LAMC2: variants seen among roughly 807,000 people sequenced by gnomAD.
LAMC2 encodes laminin subunit gamma 2.
In LAMC2, 97 loss-of-function variants were observed where a neutral mutation model predicts 140.2. The ratio of observed to expected loss-of-function variants is 0.69; its 90% CI spans 0.59 to 0.82. The LOEUF is 0.82. LAMC2 is among the 40% of genes least tolerant of loss of function. The pLI, the probability that LAMC2 is intolerant of heterozygous loss-of-function variation, is 0.00. For missense variants in LAMC2, 1,402 were observed against 1,476.1 expected (o/e 0.95, Z 0.82); for synonymous variants, 513 against 540.2 (o/e 0.95, Z 0.70).
Position 183,222,164 on chromosome 1 carries a change from T to A in LAMC2, c.716T>A (p.Val239Glu). 8.1e-6 allele frequency: 13 copies of A among 1,614,150 alleles called. No individual in the cohort carries two copies. Among genetic ancestry groups the A allele is most frequent in the Non-Finnish European group, 1.1e-5 (13 of 1,179,986 alleles). ...KLQWSQRHQD[V>E]FSSAQRLDPV... ...CAATGGTCACAGCGCCATCAAGATG[T>A]GTTTAGCTCAGCCCAACGACTAGAC... is the stretch of plus-strand genomic sequence containing the variant. Residue 239 changes from valine (V) to glutamate (E), a missense_variant, in exon 6 of 23, where the codon GTG (valine) becomes GAG (glutamate). Physicochemically the swap from Val to Glu is moderately radical, Grantham distance 121. Around this residue, in one of 3 missense-constraint regions of LAMC2, gnomAD observed 723 missense variants for 783.3 expected, o/e 0.92. Transcript: ENST00000264144.
At chr1:183,234,324 AGCCTTAACCGATTC>A (rs538213684) in intron 14 of LAMC2, 29 bp from the exon 15 acceptor site, 27 of 1,509,180 alleles carry the variant, frequency 1.8e-5, no homozygotes, top group African/African-American at 2.7e-5. Context: ...CCAAGTGCAA[AGCCTTAACCGATTC>A]GCCTTAACCG....
the LAMC2 span, among the ~76,000 whole-genome samples, chr1:183,257,173 T>C: frequency 3.9e-5 from 6 of 152,056 alleles, no homozygotes; most frequent in Non-Finnish European, 7.4e-5. Flanking sequence ...CCAGGCGTAG[T>C]GGTTCATGCC....
At chr1:183,198,771 C>G (rs909771384) in intron 1 of LAMC2, among the ~76,000 whole-genome samples, 1 of 152,164 alleles carries the variant, frequency 6.6e-6, no homozygotes. Flanking sequence ...GCTCGCTGCC[C>G]GTTGAGGTGG....
chr1:183,207,801 T>C (rs1019287914), intron 1 of LAMC2, 80 bp from the exon 2 acceptor site: 139 of 1,192,344 alleles, frequency 1.2e-4, no homozygotes, highest in Non-Finnish European at 8.0e-5. Context: ...CTATCAATAA[T>C]AACATAAACA....
At chr1:183,235,790 G>A in intron 16 of LAMC2, 60 bp downstream of exon 16, 1 of 1,577,906 alleles carries the variant, frequency 6.3e-7, no homozygotes, top group Admixed American at 1.7e-5. Context: ...AGGGCAAAAT[G>A]CTAACCGTAC....
At chr1:183,204,455 GAAAAAA>G (rs79056040) in intron 1 of LAMC2, among the ~76,000 whole-genome samples, 1 of 129,540 alleles carries the variant, frequency 7.7e-6, no homozygotes, top group South Asian at 2.6e-4. Flanking sequence ...CAAACAAACA[GAAAAAA>G]AAAAAAAAAC....
the LAMC2 span, among the ~76,000 whole-genome samples, chr1:183,256,623 C>T: frequency 6.6e-6 from 1 of 152,154 alleles, no homozygotes; most frequent in Non-Finnish European, 1.5e-5. Context: ...TATGTTAAAC[C>T]AGCCTTGTGT....
chr1:183,208,027 A>G lies in LAMC2; in HGVS notation c.226A>G (p.Arg76Gly), dbSNP rs1350038237. The change falls in exon 2 of 23, where the codon AGA (arginine) becomes GGA (glycine). Residue 76 changes from arginine to glycine, a missense_variant. Coordinates refer to ENST00000264144, the MANE Select transcript of LAMC2 (RefSeq NM_005562.3). ...GTGCAAGAATGGCTTTTACCGGCAC[A>G]GAGAAAGGGACCGCTGTTTGCCCTG... ...EKCKNGFYRH[R>G]ERDRCLPCNC... is the part of the protein sequence containing the mutation. The G allele has an allele frequency of 2.5e-6, 4 of 1,614,200 alleles. No individual in the cohort carries two copies. The South Asian group carries it at 3.3e-5, about 13-fold the overall frequency.
chr1:183,232,137 T>G, intron 12 of LAMC2, 50 bp from the exon 13 acceptor site: 1 of 1,607,676 alleles, frequency 6.2e-7, no homozygotes, highest in South Asian at 1.1e-5. Flanking sequence ...GGATGATCCC[T>G]TGGGTACATG....
chr1:183,229,822 G>C (rs1659748598), intron 11 of LAMC2, among the ~76,000 whole-genome samples: 1 of 151,992 alleles, frequency 6.6e-6, no homozygotes. Flanking sequence ...AATCCCTTCA[G>C]GAATTCTAGG....
Position 183,228,388 on chromosome 1 carries a change from C to G in LAMC2, c.1483C>G (p.Leu495Val). 1.2e-6 allele frequency: 2 copies of G among 1,614,134 alleles called. No individual in the cohort carries two copies. The highest frequency in any genetic ancestry group is 1.7e-6 in the Non-Finnish European group (2 of 1,180,038). Residue 495 changes from leucine (L) to valine (V), a missense_variant, in exon 11 of 23, where the codon CTC (leucine) becomes GTC (valine). Coordinates refer to ENST00000264144, the MANE Select transcript of LAMC2 (RefSeq NM_005562.3). The surrounding 1 kb of genome is among the most constrained non-coding windows in gnomAD (Gnocchi z 4.3). Reference protein sequence around the residue: ...PPGVTGARCELCADGYFGDPF... With the variant: ...PPGVTGARCEVCADGYFGDPF... ...TTCCTTCCCAGGTGCCCGCTGTGAG[C>G]TCTGTGCTGATGGCTACTTTGGGGA...
the LAMC2 span, among the ~76,000 whole-genome samples, chr1:183,255,068 T>C: frequency 6.6e-6 from 1 of 152,216 alleles, no homozygotes; most frequent in Non-Finnish European, 1.5e-5. Flanking sequence ...CTTAGGTTCT[T>C]TATCCATTTT....
intron 1 of LAMC2, among the ~76,000 whole-genome samples, chr1:183,202,272 T>C (rs1398827131): frequency 1.3e-5 from 2 of 151,090 alleles, no homozygotes; most frequent in African/African-American, 2.4e-5. Flanking sequence ...ATTAGCAAAC[T>C]CCTTCTTTGA....
chr1:183,189,670 C>A (rs548854507), intron 1 of LAMC2, among the ~76,000 whole-genome samples: 1 of 151,938 alleles, frequency 6.6e-6, no homozygotes, highest in Admixed American at 6.6e-5. Context: ...GATAGAGGAA[C>A]GATGGAGCAG....
At position 183,228,255 on chromosome 1, in the gene LAMC2, T is replaced by C; in HGVS notation, c.1469-119T>C. 1 of 1,346,968 alleles carries C rather than the reference T, an allele frequency of 7.4e-7. No homozygotes were observed. The highest frequency in any genetic ancestry group is 1.2e-5 in the South Asian group (1 of 80,600). The allele number at this position is 1,346,968 out of a possible 1,614,324, so 83.4% of individuals were successfully genotyped here. A position where few individuals can be genotyped will look rare whatever the true frequency, so the allele number is the denominator to read the frequency against. On this transcript the variant is annotated intron_variant, in intron 10 of 22. Transcript: ENST00000264144. This position sits in a 1 kb window ranked among gnomAD's most constrained non-coding sequence, Gnocchi z 4.3. Reference sequence around the variant, plus strand: ...TGCTCCTGAGGGCTTTGTTCTGGGGTCCCTAGGGAAGCACATTTCTCTGGC... The same window carrying C: ...TGCTCCTGAGGGCTTTGTTCTGGGGCCCCTAGGGAAGCACATTTCTCTGGC...
chr1:183,195,800 GC>G (rs879471596), intron 1 of LAMC2, among the ~76,000 whole-genome samples: 44,077 of 151,772 alleles, frequency 0.29, 6,775 homozygotes, highest in East Asian at 0.43. Context: ...GAAGTTCAAG[GC>G]CAGTTTAAAT....
chr1:183,218,617 C>CT (rs1244671321), intron 4 of LAMC2, 129 bp downstream of exon 4: 2 of 763,676 alleles, frequency 2.6e-6, no homozygotes, highest in Non-Finnish European at 4.6e-6. Context: ...TTCCTGCTCT[C>CT]TGTCCTCAAA....
intron 18 of LAMC2, among the ~76,000 whole-genome samples, chr1:183,237,794 G>A (rs2102249276): frequency 6.6e-6 from 1 of 152,340 alleles, no homozygotes; most frequent in African/African-American, 2.4e-5. Flanking sequence ...GCTGAGGCGA[G>A]AGGATCACTT....
Position 183,220,825 on chromosome 1 carries a change from G to T in LAMC2, c.504G>T (p.Arg168Ser). 6.2e-7 allele frequency: 1 copy of T among 1,613,852 alleles called. No homozygotes were observed. The highest frequency in any genetic ancestry group is 1.1e-5 in the South Asian group (1 of 91,080). Reference sequence around the variant, plus strand: ...CCTGATTTCTACAATGCCACTGCAGGTGTCGATCAGGTTACTATAATCTGG... The same window carrying T: ...CCTGATTTCTACAATGCCACTGCAGTTGTCGATCAGGTTACTATAATCTGG... ...KPAVTGERCD[R>S]CRSGYYNLDG... is the part of the protein sequence containing the mutation. Residue 168 changes from arginine to serine, a missense_variant and splice_region_variant, in exon 5 of 23, where the codon AGG becomes AGT. By Grantham distance (110) the Arg-to-Ser change is moderately radical. This residue lies in a region of LAMC2 where 723 missense variants were observed against 783.3 expected (regional missense o/e 0.92). Coordinates refer to ENST00000264144, the MANE Select transcript of LAMC2 (RefSeq NM_005562.3).
Sources: gnomAD v4.1 joint callset for allele counts (sites outside exome capture counted in the v4.1 genomes callset) on GRCh38, gnomAD v4.1.1 for gene constraint, gnomAD v4.1.1 regional missense constraint, Gnocchi (gnomAD v3.1) non-coding constraint, MANE v1.5 for transcripts, NCBI Gene and HGNC (gene_info 2026-07-23, HGNC 2026-07-21) for gene names.